The following ST6GALNAC3 variants were observed in gnomAD, a reference collection of about 807,000 sequenced individuals.
ST6GALNAC3 encodes the protein alpha-N-acetylgalactosaminide alpha-2,6-sialyltransferase 3.
In ST6GALNAC3, 25 loss-of-function variants were observed where a neutral mutation model predicts 32.7. That is an observed-to-expected ratio of 0.76 (90% CI 0.56 to 1.07). The LOEUF is 1.07. Among genes scored for constraint, ST6GALNAC3 ranks in the 50% least tolerant of loss-of-function variants. ST6GALNAC3 has a pLI of 0.00. For missense variants in ST6GALNAC3, 355 were observed against 382.4 expected (o/e 0.93, Z 0.60); for synonymous variants, 129 against 133.1 (o/e 0.97, Z 0.21).
At chr1:76,636,054 C>CCTT (rs2100751232), downstream of ST6GALNAC3, among the ~76,000 whole-genome samples, 1 of 152,118 alleles carries the variant, frequency 6.6e-6, no homozygotes, top group East Asian at 1.9e-4. Context: ...TTTTGATAAT[C>CCTT]CTTGTTCAAG....
intron 3 of ST6GALNAC3, among the ~76,000 whole-genome samples, chr1:76,603,251 T>C (rs1553147435): frequency 6.6e-6 from 1 of 152,174 alleles, no homozygotes; most frequent in Non-Finnish European, 1.5e-5. Flanking sequence ...GAAGCACTAG[T>C]ACAGGTGTGT....
intron 2 of ST6GALNAC3, among the ~76,000 whole-genome samples, chr1:76,342,692 C>A (rs563003368): frequency 6.6e-6 from 1 of 152,040 alleles, no homozygotes; most frequent in Non-Finnish European, 1.5e-5. Flanking sequence ...GCATTCCCAC[C>A]AACAGTGTAT....
intron 3 of ST6GALNAC3, among the ~76,000 whole-genome samples, chr1:76,614,513 A>G (rs1648148874): frequency 6.6e-6 from 1 of 151,938 alleles, no homozygotes; most frequent in African/African-American, 2.4e-5. Context: ...AGGTCAGGAG[A>G]TGGAGACCAT....
At position 76,389,011 on chromosome 1, in the gene ST6GALNAC3, C is replaced by CTTTTTTTTTTTTT. The variant is rs138986165; in HGVS notation, c.214-22997_214-22996insTTTTTTTTTTTTT. ...GGTGTGGTTGTTAGTTGGTATATTT[C>CTTTTTTTTTTTTT]CTTTTTTTTTTTTTTTTGAGACAGA... On this transcript the variant is annotated intron_variant, in intron 2 of 4. Transcript: ENST00000328299. Among the ~76,000 whole-genome samples, 124 of 107,664 alleles carry CTTTTTTTTTTTTT rather than the reference C, an allele frequency of 1.2e-3. 15 individuals carry two copies. The highest frequency in any genetic ancestry group is 2.7e-3 in the South Asian group (8 of 2,984). The allele number at this position is 107,664 out of a possible 152,430, so 70.6% of individuals were successfully genotyped here. A position where few individuals can be genotyped will look rare whatever the true frequency, so the allele number is the denominator to read the frequency against.
intron 3 of ST6GALNAC3, among the ~76,000 whole-genome samples, chr1:76,494,550 A>AAC (rs55892265): frequency 0.023 from 1,471 of 63,818 alleles, 60 homozygotes; most frequent in South Asian, 0.038. Context: ...CATGTGTATA[A>AAC]ACACACACAC....
intron 2 of ST6GALNAC3, among the ~76,000 whole-genome samples, chr1:76,332,060 C>A (rs1185040935): frequency 6.6e-6 from 1 of 152,202 alleles, no homozygotes; most frequent in Non-Finnish European, 1.5e-5. Context: ...TTTGTACTCA[C>A]AATTCTCCTT....
At chr1:76,621,522 G>A (rs557808429) in intron 3 of ST6GALNAC3, among the ~76,000 whole-genome samples, 1 of 152,148 alleles carries the variant, frequency 6.6e-6, no homozygotes, top group South Asian at 2.1e-4. Flanking sequence ...AATAAACAGT[G>A]TTAATACAAT....
intron 1 of ST6GALNAC3, among the ~76,000 whole-genome samples, chr1:76,231,182 C>A (rs1472312740): frequency 6.6e-6 from 1 of 152,134 alleles, no homozygotes; most frequent in Non-Finnish European, 1.5e-5. Flanking sequence ...TAGCACAACC[C>A]CTTGATATGC....
At chr1:76,375,549 C>A (rs1651154433) in intron 2 of ST6GALNAC3, among the ~76,000 whole-genome samples, 3 of 152,226 alleles carry the variant, frequency 2.0e-5, no homozygotes, top group Middle Eastern at 6.8e-3. Flanking sequence ...CTTGTCATTT[C>A]CCAAGTTCAG....
intron 2 of ST6GALNAC3, among the ~76,000 whole-genome samples, chr1:76,402,668 TTC>T (rs1465985244): frequency 3.3e-5 from 5 of 152,202 alleles, no homozygotes; most frequent in African/African-American, 1.2e-4. Flanking sequence ...ACTCAAAATA[TTC>T]TTTTTCAAAA....
At chr1:76,510,255 G>C (rs1432737768) in intron 3 of ST6GALNAC3, among the ~76,000 whole-genome samples, 1 of 152,106 alleles carries the variant, frequency 6.6e-6, no homozygotes, top group Non-Finnish European at 1.5e-5. Context: ...ACTTTAAAAT[G>C]GGTCTTCACC....
At chr1:76,214,958 T>C (rs562455065) in intron 1 of ST6GALNAC3, among the ~76,000 whole-genome samples, 1 of 152,316 alleles carries the variant, frequency 6.6e-6, no homozygotes, top group East Asian at 1.9e-4. Flanking sequence ...TCTGAATCAC[T>C]GTTTCTTCAT....
At chr1:76,090,111 C>T (rs1490899074) in intron 1 of ST6GALNAC3, among the ~76,000 whole-genome samples, 1 of 152,232 alleles carries the variant, frequency 6.6e-6, no homozygotes, top group African/African-American at 2.4e-5. Context: ...AAATTCAGAT[C>T]TGTCTGACCC....
chr1:76,613,298 T>C (rs1648059497), intron 3 of ST6GALNAC3, among the ~76,000 whole-genome samples: 1 of 152,210 alleles, frequency 6.6e-6, no homozygotes, highest in Non-Finnish European at 1.5e-5. Flanking sequence ...ACAGAAACAC[T>C]TCTTGCCATT....
chr1:76,443,514 A>G (rs1047457179), intron 3 of ST6GALNAC3, among the ~76,000 whole-genome samples: 8 of 152,190 alleles, frequency 5.3e-5, no homozygotes, highest in African/African-American at 1.7e-4. Flanking sequence ...GCAAGATGCT[A>G]TTGCAGGGTC....
chr1:76,320,954 GTATA>G (rs145883646), intron 2 of ST6GALNAC3, among the ~76,000 whole-genome samples: 9 of 149,790 alleles, frequency 6.0e-5, no homozygotes, highest in African/African-American at 1.7e-4. Context: ...GTGTAAAATG[GTATA>G]TATATACACA....
At chr1:76,491,754 A>G (rs1660515214) in intron 3 of ST6GALNAC3, among the ~76,000 whole-genome samples, 1 of 152,194 alleles carries the variant, frequency 6.6e-6, no homozygotes, top group Non-Finnish European at 1.5e-5. Context: ...AGTAGAAGTG[A>G]AGGGGCAAGC....
intron 3 of ST6GALNAC3, among the ~76,000 whole-genome samples, chr1:76,432,611 T>A (rs1401461851): frequency 6.6e-6 from 1 of 151,918 alleles, no homozygotes; most frequent in Non-Finnish European, 1.5e-5. Flanking sequence ...TGTGCCACCA[T>A]GCCTGGCTAA....
At chr1:76,605,990 A>G (rs1321474104) in intron 3 of ST6GALNAC3, among the ~76,000 whole-genome samples, 1 of 152,142 alleles carries the variant, frequency 6.6e-6, no homozygotes, top group Non-Finnish European at 1.5e-5. Flanking sequence ...ATTAAGAGAA[A>G]TGCAAATTAA....
Sources: gnomAD v4.1 joint callset for allele counts (sites outside exome capture counted in the v4.1 genomes callset) on GRCh38, gnomAD v4.1.1 for gene constraint, MANE v1.5 for transcripts, NCBI Gene and HGNC (gene_info 2026-07-23, HGNC 2026-07-21) for gene names.